LUZP2: variants seen among roughly 807,000 people sequenced by gnomAD.
The protein encoded by LUZP2 is leucine zipper protein 2.
In LUZP2, 52 loss-of-function variants were observed where a neutral mutation model predicts 51.6. The ratio of observed to expected loss-of-function variants is 1.01; its 90% CI spans 0.81 to 1.27. The LOEUF is 1.27. Among genes scored for constraint, LUZP2 ranks in the 50% most tolerant of loss-of-function variants. LUZP2 has a pLI of 0.00. For missense variants in LUZP2, 436 were observed against 395.4 expected, an observed-to-expected ratio of 1.10 and a Z score of -0.87; for synonymous variants, 154 against 137.3, an observed-to-expected ratio of 1.12 and a Z score of -0.85.
At chr11:24,832,945 A>T (rs993936976) in intron 5 of LUZP2, among the ~76,000 whole-genome samples, 2 of 152,138 alleles carry the variant, frequency 1.3e-5, no homozygotes, top group Admixed American at 6.6e-5. Context: ...AGAGGTCTGG[A>T]TTTCAATTCC....
chr11:24,736,594 T>G (rs184366447), intron 3 of LUZP2, among the ~76,000 whole-genome samples: 93 of 151,966 alleles, frequency 6.1e-4, no homozygotes, highest in African/African-American at 2.1e-3. Context: ...TCACTACCCC[T>G]CTATGCATTT....
intron 1 of LUZP2, among the ~76,000 whole-genome samples, chr11:24,607,341 CTTTTTTTT>C (rs57741208): frequency 5.4e-4 from 34 of 63,406 alleles, no homozygotes; most frequent in African/African-American, 1.4e-3. Flanking sequence ...GATATTATGT[CTTTTTTTT>C]TTTTTTTTTT....
chr11:24,703,364 C>G (rs1017163201), intron 1 of LUZP2, among the ~76,000 whole-genome samples: 2 of 152,160 alleles, frequency 1.3e-5, no homozygotes, highest in East Asian at 3.9e-4. Flanking sequence ...ATTTCAGAGA[C>G]GTAGCAGTTT....
At chr11:24,949,773 A>T (rs1396105296) in intron 7 of LUZP2, among the ~76,000 whole-genome samples, 1 of 151,662 alleles carries the variant, frequency 6.6e-6, no homozygotes, top group Non-Finnish European at 1.5e-5. Context: ...ACACAATGAC[A>T]TTGATAGAAG....
At chr11:24,740,495 A>G (rs1311595501) in intron 4 of LUZP2, among the ~76,000 whole-genome samples, 2 of 152,166 alleles carry the variant, frequency 1.3e-5, no homozygotes, top group Admixed American at 6.6e-5. Flanking sequence ...AACTTCCTAA[A>G]GAAACTCATA....
intron 5 of LUZP2, among the ~76,000 whole-genome samples, chr11:24,773,137 C>G (rs556515648): frequency 2.5e-4 from 37 of 148,326 alleles, no homozygotes; most frequent in African/African-American, 9.0e-4. Context: ...ATAAATCTAT[C>G]AATGGAAGTA....
intron 5 of LUZP2, among the ~76,000 whole-genome samples, chr11:24,885,877 A>T (rs901039574): frequency 1.3e-5 from 2 of 152,194 alleles, no homozygotes; most frequent in Admixed American, 6.6e-5. Context: ...CCTATACAAG[A>T]AAACCAAGTT....
chr11:24,602,600 T>C (rs894354579), intron 1 of LUZP2, among the ~76,000 whole-genome samples: 2 of 151,628 alleles, frequency 1.3e-5, no homozygotes, highest in Non-Finnish European at 3.0e-5. Flanking sequence ...ATTTCAGATA[T>C]CATGTGTTGA....
chr11:25,032,489 A>G (rs955786291), intron 9 of LUZP2, among the ~76,000 whole-genome samples: 1 of 152,094 alleles, frequency 6.6e-6, no homozygotes, highest in Admixed American at 6.6e-5. Context: ...TTTTGCTCTA[A>G]TATTCTGATA....
intron 5 of LUZP2, among the ~76,000 whole-genome samples, chr11:24,890,269 T>G (rs920479398): frequency 1.3e-5 from 2 of 152,284 alleles, no homozygotes; most frequent in East Asian, 1.9e-4. Flanking sequence ...ACCAATTATA[T>G]GTAGTTATCA....
intron 9 of LUZP2, among the ~76,000 whole-genome samples, chr11:24,995,144 T>A (rs1856454673): frequency 6.6e-6 from 1 of 152,170 alleles, no homozygotes; most frequent in South Asian, 2.1e-4. Flanking sequence ...ATCCCAACAC[T>A]TTTGGAGGCC....
At chr11:24,935,739 A>G (rs575314571) in intron 7 of LUZP2, among the ~76,000 whole-genome samples, 1 of 152,318 alleles carries the variant, frequency 6.6e-6, no homozygotes, top group South Asian at 2.1e-4. Context: ...TGTATATAAT[A>G]TTAAATGTTT....
chr11:24,814,129 T>C (rs746325372), intron 5 of LUZP2, among the ~76,000 whole-genome samples: 46 of 152,236 alleles, frequency 3.0e-4, no homozygotes, highest in Non-Finnish European at 5.0e-4. Flanking sequence ...CTGTGGAAAC[T>C]TTCCCACCAT....
chr11:24,775,560 T>G (rs2631404), intron 5 of LUZP2, among the ~76,000 whole-genome samples: 98,111 of 152,048 alleles, frequency 0.65, 31,783 homozygotes, highest in Non-Finnish European at 0.69. Flanking sequence ...CAGAGGTAAG[T>G]CAGGGTGGCT....
intron 1 of LUZP2, among the ~76,000 whole-genome samples, chr11:24,684,284 T>A (rs1031475674): frequency 6.6e-6 from 1 of 152,116 alleles, no homozygotes; most frequent in Non-Finnish European, 1.5e-5. Flanking sequence ...GGAAAAAAAA[T>A]AAACTTTTTA....
At chr11:24,763,827 C>T (rs1489543720) in intron 5 of LUZP2, among the ~76,000 whole-genome samples, 1 of 152,062 alleles carries the variant, frequency 6.6e-6, no homozygotes, top group Non-Finnish European at 1.5e-5. Context: ...TCTTGTTATA[C>T]AATTACTTTA....
At chr11:24,710,348 C>G (rs2133928883) in intron 1 of LUZP2, among the ~76,000 whole-genome samples, 1 of 152,108 alleles carries the variant, frequency 6.6e-6, no homozygotes, top group South Asian at 2.1e-4. Context: ...AATCTGAAAC[C>G]ACTCAGCATA....
chr11:25,010,206 T>C (rs1014685459), intron 9 of LUZP2, among the ~76,000 whole-genome samples: 1 of 152,176 alleles, frequency 6.6e-6, no homozygotes, highest in Non-Finnish European at 1.5e-5. Context: ...TATAAAATCA[T>C]TGGCAATTAT....
At chr11:24,500,377 T>C (rs1849958056) in intron 1 of LUZP2, among the ~76,000 whole-genome samples, 1 of 152,198 alleles carries the variant, frequency 6.6e-6, no homozygotes, top group South Asian at 2.1e-4. Flanking sequence ...ATTTAAACTG[T>C]ACACAAATAA....
Sources: gnomAD v4.1 joint callset for allele counts (sites outside exome capture counted in the v4.1 genomes callset) on GRCh38, gnomAD v4.1.1 for gene constraint, MANE v1.5 for transcripts, NCBI Gene and HGNC (gene_info 2026-07-23, HGNC 2026-07-21) for gene names.